Variants in ZMAT5 observed in about 807,000 individuals in gnomAD.
The protein encoded by ZMAT5 is zinc finger matrin-type 5.
A neutral mutation model predicts 28.0 loss-of-function variants in ZMAT5; 23 were observed. The ratio of observed to expected loss-of-function variants is 0.82; its 90% CI spans 0.59 to 1.16. The LOEUF (loss-of-function observed/expected upper bound fraction) is 1.16. Among genes scored for constraint, ZMAT5 ranks in the 50% most tolerant of loss-of-function variants. ZMAT5 has a pLI of 0.00. For missense variants in ZMAT5, 173 were observed against 212.7 expected (o/e 0.81, Z 1.16); for synonymous variants, 76 against 84.1 (o/e 0.90, Z 0.52).
intron 1 of ZMAT5, among the ~76,000 whole-genome samples, chr22:29,753,468 TA>T (rs907186810): frequency 2.6e-5 from 4 of 151,848 alleles, no homozygotes; most frequent in African/African-American, 9.7e-5. Flanking sequence ...GAGGTTGCAG[TA>T]AGCAGAGATC....
chr22:29,736,388 G>A (rs563325745), intron 5 of ZMAT5, among the ~76,000 whole-genome samples: 26 of 152,276 alleles, frequency 1.7e-4, no homozygotes, highest in East Asian at 1.2e-3. Flanking sequence ...AACTGAACAC[G>A]GATTTAAAAT....
At chr22:29,731,645 A>C (rs975656311) in intron 5 of ZMAT5, 1 of 367,102 alleles carries the variant, frequency 2.7e-6, no homozygotes, top group African/African-American at 2.2e-5. Flanking sequence ...ATGCACGTCC[A>C]CAGCAGAGAA....
intron 1 of ZMAT5, among the ~76,000 whole-genome samples, chr22:29,761,914 T>C (rs1382969859): frequency 6.6e-6 from 1 of 152,242 alleles, no homozygotes. Flanking sequence ...TATATTCCTA[T>C]TTCATGTCAG....
At chr22:29,760,745 T>A (rs981053224) in intron 1 of ZMAT5, among the ~76,000 whole-genome samples, 1 of 152,152 alleles carries the variant, frequency 6.6e-6, no homozygotes, top group Admixed American at 6.5e-5. Context: ...CCTGGACTCA[T>A]GTCCCAGCTA....
At chr22:29,760,026 C>T (rs916013614) in intron 1 of ZMAT5, among the ~76,000 whole-genome samples, 3 of 152,072 alleles carry the variant, frequency 2.0e-5, no homozygotes, top group African/African-American at 7.2e-5. Context: ...CATGGTGAAA[C>T]CCCATCTCTA....
rs529722382 is a variant in ZMAT5 at position 29,753,632 on chromosome 22, T to C, written c.-27-5061A>G. ...TGAATCCAGGAGGCGAAGGTTGCAG[T>C]GAGCCGAGATCGAACCACTGCTCTC... On this transcript the variant is annotated intron_variant, in intron 1 of 5. Coordinates refer to ENST00000344318, the MANE Select transcript of ZMAT5 (RefSeq NM_001003692.2). 2.4e-4 allele frequency among the ~76,000 whole-genome samples: 37 copies of C among 152,130 alleles called. 1 individual carries two copies. In the South Asian group the frequency reaches 7.7e-3, roughly 32 times the overall value.
chr22:29,744,915 C>T (rs1338621611), intron 2 of ZMAT5, among the ~76,000 whole-genome samples: 1 of 152,234 alleles, frequency 6.6e-6, no homozygotes, highest in Non-Finnish European at 1.5e-5. Context: ...AGTGGGTATT[C>T]AAGGCCCCTC....
chr22:29,735,151 C>T (rs530085893), intron 5 of ZMAT5, among the ~76,000 whole-genome samples: 1 of 152,250 alleles, frequency 6.6e-6, no homozygotes, highest in East Asian at 1.9e-4. Context: ...GGGCTCAAAG[C>T]CCAGGACGGA....
intron 1 of ZMAT5, among the ~76,000 whole-genome samples, chr22:29,756,923 C>T (rs1219918890): frequency 6.6e-6 from 1 of 152,068 alleles, no homozygotes; most frequent in Non-Finnish European, 1.5e-5. Context: ...CCTGTAATCC[C>T]AGCTAGTCGG....
chr22:29,761,265 G>A (rs112841658), intron 1 of ZMAT5, among the ~76,000 whole-genome samples: 7 of 62,072 alleles, frequency 1.1e-4, no homozygotes, highest in African/African-American at 3.8e-4. Context: ...GTGAAACTCC[G>A]TCTCAAAAAA....
rs1033137212 is a variant in ZMAT5 at position 29,744,371 on chromosome 22, G to A, written c.128-1891C>T. ...TGCCAAGGGCAACTGGTGGCTTGTG[G>A]GAGGCGGGGGCGGGCGGGGGGTGTG... is the stretch of plus-strand genomic sequence containing the variant. On this transcript the variant is annotated intron_variant, in intron 2 of 5. Coordinates refer to ENST00000344318, the MANE Select transcript of ZMAT5 (RefSeq NM_001003692.2). 6.6e-5 allele frequency among the ~76,000 whole-genome samples: 10 copies of A among 151,904 alleles called. No individual in the cohort carries two copies. In the East Asian group the frequency reaches 1.4e-3, roughly 21 times the overall value.
intron 3 of ZMAT5, among the ~76,000 whole-genome samples, chr22:29,741,827 T>A (rs190517002): frequency 1.1e-3 from 168 of 152,144 alleles, no homozygotes; most frequent in Middle Eastern, 3.4e-3. Context: ...TTAAAAAAAA[T>A]TTTTTTGGTA....
chr22:29,741,582 T>C (rs1279615741), intron 3 of ZMAT5, among the ~76,000 whole-genome samples: 1 of 152,238 alleles, frequency 6.6e-6, no homozygotes, highest in Non-Finnish European at 1.5e-5. Context: ...CTTGGTTTTA[T>C]CTTATTTTTC....
At chr22:29,739,011 CAAA>C (rs1266109702) in intron 4 of ZMAT5, among the ~76,000 whole-genome samples, 1 of 128,100 alleles carries the variant, frequency 7.8e-6, no homozygotes, top group Admixed American at 7.9e-5. Context: ...AACTCCATCT[CAAA>C]AAAAAAAAAA....
At chr22:29,755,516 A>AG (rs1029053505) in intron 1 of ZMAT5, among the ~76,000 whole-genome samples, 1 of 152,054 alleles carries the variant, frequency 6.6e-6, no homozygotes, top group Non-Finnish European at 1.5e-5. Flanking sequence ...ATGGTGGGTG[A>AG]GGGGTGACAG....
At chr22:29,736,753 G>A (rs970839098) in intron 5 of ZMAT5, among the ~76,000 whole-genome samples, 7 of 150,306 alleles carry the variant, frequency 4.7e-5, no homozygotes, top group Admixed American at 6.6e-5. Flanking sequence ...GGCTGGGCGC[G>A]GTGGCTGACA....
In ZMAT5 at chr22:29,748,466, C is replaced by T. The variant is rs528178897; in HGVS notation, c.79G>A (p.Gly27Arg). 5.6e-6 allele frequency: 9 copies of T among 1,614,228 alleles called. No homozygotes were observed. Among genetic ancestry groups the T allele is most frequent in the East Asian group, 2.2e-5 (1 of 44,878 alleles). Reference protein sequence around the residue: ...NLHNRKKHLNGLQHLKAKKVW... With the variant: ...NLHNRKKHLNRLQHLKAKKVW... ...TTCTTGGCCTTGAGGTGCTGCAGCC[C>T]GTTCAGGTGCTTCTTGCGGTTGTGG... Residue 27 changes from glycine (G) to arginine (R), a missense_variant, in exon 2 of 6, where the codon GGG becomes AGG. Coordinates refer to ENST00000344318, the MANE Select transcript of ZMAT5 (RefSeq NM_001003692.2).
intron 1 of ZMAT5, chr22:29,758,893 A>C (rs2147236707): frequency 6.6e-6 from 1 of 152,420 alleles, no homozygotes; most frequent in South Asian, 2.1e-4. Flanking sequence ...GAAATTTGTA[A>C]GGCGGGGATA....
chr22:29,736,453 C>T (rs958346250), intron 5 of ZMAT5, among the ~76,000 whole-genome samples: 5 of 152,194 alleles, frequency 3.3e-5, no homozygotes, highest in Non-Finnish European at 5.9e-5. Flanking sequence ...GGTGCGGTGG[C>T]TCATGCCTGT....
Sources: allele counts gnomAD v4.1 joint callset (sites outside exome capture counted in the v4.1 genomes callset), GRCh38; gene constraint gnomAD v4.1.1; transcripts MANE v1.5; gene names NCBI Gene and HGNC (gene_info 2026-07-23, HGNC 2026-07-21).